SMIM18: variants seen among roughly 807,000 people sequenced by gnomAD.
SMIM18 encodes the protein small integral membrane protein 18.
A neutral mutation model predicts 5.9 loss-of-function variants in SMIM18; 4 were observed. The ratio of observed to expected loss-of-function variants is 0.68; its 90% CI spans 0.33 to 1.56. SMIM18 has a LOEUF of 1.56. SMIM18 is among the 40% of genes most tolerant of loss of function. The probability of loss-of-function intolerance (pLI) is 0.06; values close to 1 mark genes in which losing one functional copy is unlikely to be tolerated. For synonymous variants in SMIM18, 37 were observed against 37.4 expected, an observed-to-expected ratio of 0.99 and a Z score of 0.04; for missense variants, 89 against 109.7, an observed-to-expected ratio of 0.81 and a Z score of 0.84.
At chr8:30,639,985 CAA>C (rs1206787141) in intron 1 of SMIM18, among the ~76,000 whole-genome samples, 4 of 152,120 alleles carry the variant, frequency 2.6e-5, no homozygotes, top group African/African-American at 9.7e-5. Context: ...ATAACTTTGT[CAA>C]ATAAAACAGT....
Position 30,645,360 on chromosome 8 carries a change from T to C in SMIM18, c.51T>C (p.Leu17=). The part of the protein sequence containing the change: ...NETTTSVYQY[L]GFQVQKIYPF... The stretch of plus-strand genomic sequence containing the variant: ...CCACTACCTCTGTTTATCAGTACCT[T>C]GGTTTTCAAGTTCAAAAAATTTACC... The change falls in exon 3 of 3, where the codon CTT becomes CTC. Residue 17 remains leucine, a synonymous_variant. Coordinates refer to ENST00000517349, the MANE Select transcript of SMIM18 (RefSeq NM_001206847.2). 6.5e-7 allele frequency: 1 copy of C among 1,535,682 alleles called. No homozygotes were observed. The highest frequency in any genetic ancestry group is 8.7e-7 in the Non-Finnish European group (1 of 1,146,898).
At position 30,645,723 on chromosome 8, in the gene SMIM18, G is replaced by C. The variant is rs1368552360; in HGVS notation, c.*126G>C. 2 of 999,244 alleles carry C rather than the reference G, an allele frequency of 2.0e-6. No homozygotes were observed. Among genetic ancestry groups the C allele is most frequent in the Non-Finnish European group, 2.8e-6 (2 of 703,730 alleles). The allele number at this position is 999,244 out of a possible 1,614,324, so 61.9% of individuals were successfully genotyped here. ...CTGAATGGTTAAAACATTTCTAGTA[G>C]AAGGGGAAAAAAAAGTTAAACATGC... is the stretch of plus-strand genomic sequence containing the variant. On this transcript the variant is annotated 3_prime_UTR_variant, in exon 3 of 3. Transcript: ENST00000517349.
rs33951211 is a variant in SMIM18 at position 30,642,296 on chromosome 8, C to CAAAA, written c.-110-2185_-110-2182dup. 3.3e-3 allele frequency among the ~76,000 whole-genome samples: 433 copies of CAAAA among 129,852 alleles called. 8 individuals are homozygous for CAAAA. Among genetic ancestry groups the CAAAA allele is most frequent in the East Asian group, 0.024 (105 of 4,292 alleles). The allele number at this position is 129,852 out of a possible 152,430, so 85.2% of individuals were successfully genotyped here. On this transcript the variant is annotated intron_variant, in intron 1 of 2. Coordinates refer to ENST00000517349, the MANE Select transcript of SMIM18 (RefSeq NM_001206847.2). ...TCTTTTTGAATTAAAGGAGAAAAGC[C>CAAAA]AAAAAAAAAAAAAAGGAAAGGAATA...
At chr8:30,640,484 T>C (rs1299191998) in intron 1 of SMIM18, among the ~76,000 whole-genome samples, 1 of 152,014 alleles carries the variant, frequency 6.6e-6, no homozygotes, top group East Asian at 1.9e-4. Flanking sequence ...AAAACACATA[T>C]GCTAAAAAAA....
chr8:30,644,837 G>A (rs896831383), intron 2 of SMIM18, among the ~76,000 whole-genome samples: 1 of 150,728 alleles, frequency 6.6e-6, no homozygotes, highest in African/African-American at 2.4e-5. Flanking sequence ...CACAACCTGC[G>A]CCTCCCTGGC....
chr8:30,639,198 T>A (rs1200774032), intron 1 of SMIM18, among the ~76,000 whole-genome samples: 1 of 152,218 alleles, frequency 6.6e-6, no homozygotes, highest in African/African-American at 2.4e-5. Flanking sequence ...ATTATCACAA[T>A]TTTAATTTTT....
chr8:30,640,546 C>T (rs1178783014), intron 1 of SMIM18, among the ~76,000 whole-genome samples: 1 of 152,136 alleles, frequency 6.6e-6, no homozygotes, highest in African/African-American at 2.4e-5. Context: ...AATTTTAAGG[C>T]ATGGGTAGGG....
chr8:30,644,228 C>T (rs1273625377), intron 1 of SMIM18, among the ~76,000 whole-genome samples: 2 of 152,186 alleles, frequency 1.3e-5, no homozygotes, highest in Non-Finnish European at 2.9e-5. Flanking sequence ...AAGAGCTAAA[C>T]TTAATTCAAG....
At chr8:30,641,732 C>A (rs1322255509) in intron 1 of SMIM18, among the ~76,000 whole-genome samples, 3 of 152,186 alleles carry the variant, frequency 2.0e-5, no homozygotes, top group Admixed American at 6.5e-5. Context: ...CAAAAATTAG[C>A]TGGGTGTGAC....
At chr8:30,640,705 T>C (rs1266063191) in intron 1 of SMIM18, among the ~76,000 whole-genome samples, 1 of 152,160 alleles carries the variant, frequency 6.6e-6, no homozygotes, top group East Asian at 1.9e-4. Context: ...TAATGATGTA[T>C]TTCTATTTTT....
At position 30,645,275 on chromosome 8, in the gene SMIM18, T is replaced by G; in HGVS notation, c.-29-6T>G. 1.3e-6 allele frequency: 2 copies of G among 1,507,612 alleles called. No homozygotes were observed. Among genetic ancestry groups the G allele is most frequent in the Non-Finnish European group, 1.8e-6 (2 of 1,136,058 alleles). The allele number at this position is 1,507,612 out of a possible 1,614,324, so 93.4% of individuals were successfully genotyped here. A position where few individuals can be genotyped will look rare whatever the true frequency, so the allele number is the denominator to read the frequency against. On this transcript the variant is annotated splice_polypyrimidine_tract_variant and splice_region_variant and intron_variant, in intron 2 of 2. Coordinates refer to ENST00000517349, the MANE Select transcript of SMIM18 (RefSeq NM_001206847.2). ...TACATAAATTCATTTTCTACCTTTT[T>G]TATAGATTCAAAAGAGCAAGTGGAA...
intron 1 of SMIM18, among the ~76,000 whole-genome samples, chr8:30,644,119 C>T (rs554182502): frequency 2.6e-5 from 4 of 152,192 alleles, no homozygotes; most frequent in Non-Finnish European, 5.9e-5. Flanking sequence ...GAGATCAAGA[C>T]AGTAAAAACT....
In SMIM18 at chr8:30,641,122, G is replaced by A. The variant is rs149301089; in HGVS notation, c.-111+2483G>A. Among the ~76,000 whole-genome samples the A allele has an allele frequency of 5.1e-3, 782 of 152,206 alleles. 3 individuals carry two copies. The highest frequency in any genetic ancestry group is 7.4e-3 in the Non-Finnish European group (501 of 68,006). On this transcript the variant is annotated intron_variant, in intron 1 of 2. Coordinates refer to ENST00000517349, the MANE Select transcript of SMIM18 (RefSeq NM_001206847.2). ...AAGAACATGCCACACTAAATTTAAG[G>A]TGGAAAATGACTCCATATTAGAGAG...
chr8:30,640,581 C>CT lies in SMIM18; in HGVS notation c.-111+1949dup, dbSNP rs953097141. Reference sequence around the variant, plus strand: ...GAAGTCCAGAAAAAGATTGTTTTACCTTTTTTTATATACACCATTTTCTCT... The same window carrying CT: ...GAAGTCCAGAAAAAGATTGTTTTACCTTTTTTTTATATACACCATTTTCTCT... On this transcript the variant is annotated intron_variant, in intron 1 of 2. Coordinates refer to ENST00000517349, the MANE Select transcript of SMIM18 (RefSeq NM_001206847.2). Among the ~76,000 whole-genome samples, 34 of 152,174 alleles carry CT rather than the reference C, an allele frequency of 2.2e-4. 1 individual carries two copies. Among genetic ancestry groups the CT allele is most frequent in the African/African-American group, 7.7e-4 (32 of 41,498 alleles).
Position 30,641,219 on chromosome 8 carries a change from T to A in SMIM18, c.-111+2580T>A, listed in dbSNP as rs1008654536. ...TTGAGCCGCTCGGTTATCAATACAC[T>A]CACAAGACAAATCATCATCATTTAC... On this transcript the variant is annotated intron_variant, in intron 1 of 2. Transcript: ENST00000517349. Among the ~76,000 whole-genome samples, 6 of 152,148 alleles carry A rather than the reference T, an allele frequency of 3.9e-5. No individual in the cohort carries two copies. The East Asian group carries it at 1.2e-3, about 29-fold the overall frequency.
chr8:30,645,749 ACT>A lies in SMIM18; in HGVS notation c.*153_*154del. The A allele has an allele frequency of 4.2e-6, 3 of 707,656 alleles. No homozygotes were observed. Among genetic ancestry groups the A allele is most frequent in the Non-Finnish European group, 6.9e-6 (3 of 437,430 alleles). The allele number at this position is 707,656 out of a possible 1,614,324, so 43.8% of individuals were successfully genotyped here. A position where few individuals can be genotyped will look rare whatever the true frequency, so the allele number is the denominator to read the frequency against. On this transcript the variant is annotated 3_prime_UTR_variant, in exon 3 of 3. Transcript: ENST00000517349. ...AAGGGGAAAAAAAAGTTAAACATGC[ACT>A]GTTTGTGTGTATAGCCATTTCATTA...
intron 1 of SMIM18, among the ~76,000 whole-genome samples, chr8:30,642,514 C>T (rs1326185710): frequency 2.0e-5 from 3 of 152,094 alleles, no homozygotes; most frequent in Non-Finnish European, 4.4e-5. Flanking sequence ...GTTGAAAAAA[C>T]AAAAGAACAC....
Position 30,645,294 on chromosome 8 carries a change from A to G in SMIM18, c.-16A>G. ...CCTTTTTTATAGATTCAAAAGAGCA[A>G]GTGGAATCTCTAAGAATGGCTTCCA... On this transcript the variant is annotated 5_prime_UTR_variant, in exon 3 of 3. Transcript: ENST00000517349. 2.0e-6 allele frequency: 3 copies of G among 1,528,452 alleles called. No individual in the cohort carries two copies. The highest frequency in any genetic ancestry group is 2.6e-6 in the Non-Finnish European group (3 of 1,144,228). The allele number at this position is 1,528,452 out of a possible 1,614,324, so 94.7% of individuals were successfully genotyped here.
In SMIM18 at chr8:30,645,781, T is replaced by C. The variant is rs1345442418; in HGVS notation, c.*184T>C. ...GTGTGTATAGCCATTTCATTAAATA[T>C]ACAGTAAAACTTCATGAATGTGAAT... On this transcript the variant is annotated 3_prime_UTR_variant, in exon 3 of 3. Transcript: ENST00000517349. 2.1e-5 allele frequency: 12 copies of C among 583,174 alleles called. No individual in the cohort carries two copies. The highest frequency in any genetic ancestry group is 4.6e-4 in the Middle Eastern group (1 of 2,186). The allele number at this position is 583,174 out of a possible 1,614,324, so 36.1% of individuals were successfully genotyped here.
Sources: gnomAD v4.1 joint callset for allele counts (sites outside exome capture counted in the v4.1 genomes callset) on GRCh38, gnomAD v4.1.1 for gene constraint, MANE v1.5 for transcripts, NCBI Gene and HGNC (gene_info 2026-07-23, HGNC 2026-07-21) for gene names.